Variants in COL25A1 observed in about 807,000 individuals in gnomAD.
COL25A1 encodes the protein collagen alpha-1(XXV) chain.
COL25A1 carries 103 observed loss-of-function variants against 128.4 expected under a neutral mutation model. The ratio of observed to expected loss-of-function variants is 0.80; its 90% confidence interval spans 0.68 to 0.94. The LOEUF is 0.94. Ranked by LOEUF, COL25A1 falls within the 40% of genes least tolerant of loss-of-function variation. The probability of loss-of-function intolerance (pLI) is 0.00; values close to 1 mark genes in which losing one functional copy is unlikely to be tolerated. For missense variants in COL25A1, 745 were observed against 840.0 expected (o/e 0.89, Z 1.40); for synonymous variants, 279 against 277.2 (o/e 1.01, Z -0.06).
At position 109,177,292 on chromosome 4, in the gene COL25A1, G is replaced by A. The variant is rs143339466; in HGVS notation, c.367+123291C>T. Among the ~76,000 whole-genome samples the A allele has an allele frequency of 5.6e-3, 860 of 152,228 alleles. 11 individuals are homozygous for A. Among genetic ancestry groups the A allele is most frequent in the African/African-American group, 0.02 (814 of 41,542 alleles). On this transcript the variant is annotated intron_variant, in intron 3 of 37. Transcript: ENST00000399132. ...CATTGTCTGTAGAGTGAGGGGGACT[G>A]ACAAAGAGTAAGCTGAGAGTTAAAA...
chr4:109,096,047 G>A (rs1372789656), intron 3 of COL25A1, among the ~76,000 whole-genome samples: 1 of 152,168 alleles, frequency 6.6e-6, no homozygotes. Flanking sequence ...TTGGAATGAC[G>A]GGTTAGACAG....
rs1013139445 is a variant in COL25A1, at chr4:109,244,114, G to A, written c.367+56469C>T. On this transcript the variant is annotated intron_variant, in intron 3 of 37. Transcript: ENST00000399132. Reference sequence around the variant, plus strand: ...AAACACTGTCCTCTTTATCTATCCCGGAAGAAGTAAAGAGAAATAGAAAGA... The same window carrying A: ...AAACACTGTCCTCTTTATCTATCCCAGAAGAAGTAAAGAGAAATAGAAAGA... 4.7e-5 allele frequency among the ~76,000 whole-genome samples: 7 copies of A among 150,476 alleles called. No homozygotes were observed. The East Asian group carries it at 9.8e-4, about 21-fold the overall frequency.
At chr4:109,264,875 T>C (rs1332896885) in intron 3 of COL25A1, among the ~76,000 whole-genome samples, 1 of 152,224 alleles carries the variant, frequency 6.6e-6, no homozygotes, top group Non-Finnish European at 1.5e-5. Context: ...ATTAATTACT[T>C]TCATTATATT....
intron 20 of COL25A1, among the ~76,000 whole-genome samples, chr4:108,865,964 T>C (rs1423085260): frequency 1.3e-5 from 2 of 152,096 alleles, no homozygotes; most frequent in Non-Finnish European, 2.9e-5. Flanking sequence ...CTCTTATTAG[T>C]TCCCTATCAC....
chr4:108,815,087 C>T (rs1271602053), intron 37 of COL25A1, among the ~76,000 whole-genome samples: 1 of 152,126 alleles, frequency 6.6e-6, no homozygotes, highest in Non-Finnish European at 1.5e-5. Context: ...TCTCTCTTAA[C>T]TCTTCTTGTG....
chr4:108,869,796 T>C (rs2125810309), intron 19 of COL25A1, among the ~76,000 whole-genome samples: 1 of 152,288 alleles, frequency 6.6e-6, no homozygotes, highest in East Asian at 1.9e-4. Flanking sequence ...CATAATGGCT[T>C]TGTTCTCAGT....
intron 3 of COL25A1, among the ~76,000 whole-genome samples, chr4:109,156,547 T>C (rs1370151784): frequency 1.3e-5 from 2 of 152,036 alleles, no homozygotes; most frequent in African/African-American, 4.8e-5. Context: ...CTGATTCCTT[T>C]TGGAATTGCC....
chr4:109,034,136 C>T (rs781096796), intron 5 of COL25A1, among the ~76,000 whole-genome samples: 16 of 152,168 alleles, frequency 1.1e-4, no homozygotes, highest in Non-Finnish European at 2.1e-4. Context: ...AGTATTGAAA[C>T]CTGAAAAACA....
chr4:108,927,315 C>T (rs1746183680), intron 11 of COL25A1, among the ~76,000 whole-genome samples: 1 of 152,064 alleles, frequency 6.6e-6, no homozygotes, highest in Non-Finnish European at 1.5e-5. Context: ...AAATCCACTT[C>T]CTCAGGCCAT....
chr4:108,918,002 T>A (rs896701194), intron 13 of COL25A1, among the ~76,000 whole-genome samples, 170 bp downstream of exon 13: 2 of 152,204 alleles, frequency 1.3e-5, no homozygotes, highest in African/African-American at 4.8e-5. Flanking sequence ...ATTTAATGCA[T>A]CTTTAAAAAT....
At position 109,085,569 on chromosome 4, in the gene COL25A1, C is replaced by T. The variant is rs189425352; in HGVS notation, c.368-35390G>A. On this transcript the variant is annotated intron_variant, in intron 3 of 37. Transcript: ENST00000399132. ...TACTGCTCTTATGTTAAGTAAGCTTCCTTAAGGACATATCTGGTTATTTAT... is the reference window on the plus strand; with the variant it reads ...TACTGCTCTTATGTTAAGTAAGCTTTCTTAAGGACATATCTGGTTATTTAT... Among the ~76,000 whole-genome samples, 585 of 152,254 alleles carry T rather than the reference C, an allele frequency of 3.8e-3. 6 individuals are homozygous for T. Among genetic ancestry groups the T allele is most frequent in the Non-Finnish European group, 3.3e-3 (225 of 68,012 alleles).
At chr4:109,092,535 C>T (rs113074465) in intron 3 of COL25A1, among the ~76,000 whole-genome samples, 226 of 152,284 alleles carry the variant, frequency 1.5e-3, no homozygotes, top group African/African-American at 4.9e-3. Context: ...CATCACTTTC[C>T]GCAAAGAATA....
At chr4:108,910,073 T>G (rs1349500197) in intron 13 of COL25A1, among the ~76,000 whole-genome samples, 1 of 152,204 alleles carries the variant, frequency 6.6e-6, no homozygotes, top group Non-Finnish European at 1.5e-5. Context: ...CTTTATTTTT[T>G]CACCTGGTTC....
At chr4:109,131,215 A>C (rs552844673) in intron 3 of COL25A1, among the ~76,000 whole-genome samples, 1 of 149,624 alleles carries the variant, frequency 6.7e-6, no homozygotes, top group Non-Finnish European at 1.5e-5. Context: ...ACATTGGCTT[A>C]ATAAAAGTAC....
chr4:109,296,626 T>C (rs1347470259), intron 3 of COL25A1, among the ~76,000 whole-genome samples: 2 of 152,114 alleles, frequency 1.3e-5, no homozygotes, highest in African/African-American at 2.4e-5. Context: ...TTTGGAGATA[T>C]GAAAATAGAA....
intron 3 of COL25A1, among the ~76,000 whole-genome samples, chr4:109,263,117 A>G (rs1035232219): frequency 1.4e-5 from 2 of 146,224 alleles, no homozygotes; most frequent in African/African-American, 5.3e-5. Context: ...CGACAGAGCA[A>G]GACTCTGTCT....
At chr4:108,956,852 G>T (rs1469986499) in intron 8 of COL25A1, among the ~76,000 whole-genome samples, 1 of 152,206 alleles carries the variant, frequency 6.6e-6, no homozygotes, top group Non-Finnish European at 1.5e-5. Flanking sequence ...TTGGATTGCA[G>T]AATCAGAATC....
At position 108,871,682 on chromosome 4, in the gene COL25A1, A is replaced by G. The variant is rs1738736298; in HGVS notation, c.1021-2532T>C. On this transcript the variant is annotated intron_variant, in intron 19 of 37. Coordinates refer to ENST00000399132, the MANE Select transcript of COL25A1 (RefSeq NM_198721.4). ...CCTGATTATGCCACTTTAAGAAAGT[A>G]TCTACCGTATCTATACATTCTGATA... Among the ~76,000 whole-genome samples, 2 of 152,192 alleles carry G rather than the reference A, an allele frequency of 1.3e-5. 1 individual carries two copies. Among genetic ancestry groups the G allele is most frequent in the South Asian group, 4.1e-4 (2 of 4,834 alleles).
chr4:109,196,319 G>T (rs563865243), intron 3 of COL25A1, among the ~76,000 whole-genome samples: 30 of 152,120 alleles, frequency 2.0e-4, no homozygotes, highest in Non-Finnish European at 4.0e-4. Context: ...AAACAAAAAG[G>T]AGAAAGTTTT....
Sources: gnomAD v4.1 joint callset for allele counts (sites outside exome capture counted in the v4.1 genomes callset) on GRCh38, gnomAD v4.1.1 for gene constraint, MANE v1.5 for transcripts, NCBI Gene and HGNC (gene_info 2026-07-23, HGNC 2026-07-21) for gene names.